The following CYP24A1 variants were observed in gnomAD, a reference collection of about 807,000 sequenced individuals.
CYP24A1 encodes cytochrome P450 family 24 subfamily A member 1.
Under a neutral mutation model 62.4 loss-of-function variants are expected in CYP24A1, and 68 were observed. That is an observed-to-expected ratio of 1.09 (90% CI 0.90 to 1.33). The LOEUF (loss-of-function observed/expected upper bound fraction) is 1.33, where lower values mean the gene tolerates loss of function less well. Ranked by LOEUF, CYP24A1 falls within the 40% of genes most tolerant of loss-of-function variation. The pLI, the probability that CYP24A1 is intolerant of heterozygous loss-of-function variation, is 0.00. For synonymous variants in CYP24A1, 267 were observed against 253.0 expected (o/e 1.06, Z -0.52); for missense variants, 787 against 653.0 (o/e 1.21, Z -2.24).
In CYP24A1 at chr20:54,165,834, C is replaced by T. The variant is rs774967736; in HGVS notation, c.641-1G>A. The T allele has an allele frequency of 2.3e-6, 3 of 1,311,736 alleles. No homozygotes were observed. The South Asian group carries it at 3.5e-5, about 15-fold the overall frequency. 81.3% of individuals were successfully genotyped at this position (1,311,736 alleles called of 1,614,324 possible). ...TTCTCATACAACACGAGGCAGATAC[C>T]TGTCATTTAAAATAATCATCACTTT... On this transcript the variant is annotated splice_acceptor_variant, in intron 4 of 11. Transcript: ENST00000216862. LOFTEE classifies it high-confidence loss of function.
intron 8 of CYP24A1, 94 bp downstream of exon 8, chr20:54,158,863 A>C (rs772046978): frequency 8.7e-6 from 14 of 1,600,394 alleles, no homozygotes; most frequent in Non-Finnish European, 1.2e-5. Context: ...CTAATTAGCT[A>C]GGGGAAGCCG....
At chr20:54,152,639 C>A (rs1383364400), downstream of CYP24A1, among the ~76,000 whole-genome samples, 1 of 152,186 alleles carries the variant, frequency 6.6e-6, no homozygotes, top group African/African-American at 2.4e-5. Flanking sequence ...ATTTAAGGAA[C>A]AGCAGAAACT....
chr20:54,167,119 C>A (rs1695900084), intron 4 of CYP24A1, among the ~76,000 whole-genome samples: 1 of 152,144 alleles, frequency 6.6e-6, no homozygotes. Flanking sequence ...AGGAGACTAG[C>A]ATTAAAAAGG....
Position 54,173,187 on chromosome 20 carries a change from G to C in CYP24A1, c.259-88C>G. On this transcript the variant is annotated intron_variant, in intron 1 of 11. Coordinates refer to ENST00000216862, the MANE Select transcript of CYP24A1 (RefSeq NM_000782.5). This position sits in a 1 kb window ranked among gnomAD's most constrained non-coding sequence, Gnocchi z 7.2. ...CCCTCCTCCCGCCTCCTTCCTCCTAGGGGACCGGGGACCCTCCCTGCCCAG... is the reference window on the plus strand; with the variant it reads ...CCCTCCTCCCGCCTCCTTCCTCCTACGGGACCGGGGACCCTCCCTGCCCAG... 6.5e-7 allele frequency: 1 copy of C among 1,536,102 alleles called. No individual in the cohort carries two copies. Among genetic ancestry groups the C allele is most frequent in the Non-Finnish European group, 8.9e-7 (1 of 1,121,086 alleles).
Position 54,158,136 on chromosome 20 carries a change from G to C in CYP24A1, c.1186C>G (p.Arg396Gly), listed in dbSNP as rs114368325. ...AGAACTGTTGCCTTGTCAAGAGTCC[G>C]AGTTGTAAATGGTACACTCGGCGTA... The part of the protein sequence containing the change: ...RLTPSVPFTT[R>G]TLDKATVLGE... The change falls in exon 9 of 12, where the codon CGG becomes GGG. Residue 396 changes from arginine (R) to glycine (G), a missense_variant. Transcript: ENST00000216862. The C allele has an allele frequency of 1.9e-6, 3 of 1,614,010 alleles. No individual in the cohort carries two copies. The highest frequency in any genetic ancestry group is 4.5e-5 in the East Asian group (2 of 44,882).
chr20:54,153,918 A>G lies in CYP24A1; in HGVS notation c.*854T>C, dbSNP rs903285108. The G allele has an allele frequency of 2.0e-5, 3 of 152,456 alleles. No homozygotes were observed. Among genetic ancestry groups the G allele is most frequent in the Non-Finnish European group, 4.4e-5 (3 of 68,042 alleles). The allele number at this position is 152,456 out of a possible 1,614,324, so 9.4% of individuals were successfully genotyped here. ...ATGGCATGGGAAATCATTTTATAAT[A>G]TTAAAGTCACACTGAATGTTTTTAA... On this transcript the variant is annotated 3_prime_UTR_variant, in exon 12 of 12. Transcript: ENST00000216862.
At chr20:54,167,636 G>A (rs542190763) in intron 4 of CYP24A1, among the ~76,000 whole-genome samples, 2 of 152,262 alleles carry the variant, frequency 1.3e-5, no homozygotes, top group African/African-American at 4.8e-5. Context: ...AGCCAGGCAT[G>A]GTGGTGTGCA....
Position 54,172,895 on chromosome 20 carries a change from C to G in CYP24A1, c.449+14G>C, listed in dbSNP as rs2092698704. ...GGTCTGGCCGCATGCCCAGGTCCCT[C>G]GGATTGGACTCACAGGATCAGCAGC... On this transcript the variant is annotated intron_variant, in intron 2 of 11. Coordinates refer to ENST00000216862, the MANE Select transcript of CYP24A1 (RefSeq NM_000782.5). 1.2e-6 allele frequency: 2 copies of G among 1,613,438 alleles called. No homozygotes were observed. Among genetic ancestry groups the G allele is most frequent in the East Asian group, 4.5e-5 (2 of 44,890 alleles).
At chr20:54,150,420 GC>G (rs11477913), downstream of CYP24A1, among the ~76,000 whole-genome samples, 49,283 of 151,684 alleles carry the variant, frequency 0.32, 8,888 homozygotes, top group East Asian at 0.59. Flanking sequence ...TGTAACCTCC[GC>G]CCCCCAGGTT....
chr20:54,170,206 C>A (rs561288250), intron 3 of CYP24A1, among the ~76,000 whole-genome samples: 6 of 152,320 alleles, frequency 3.9e-5, no homozygotes, highest in Non-Finnish European at 5.9e-5. Flanking sequence ...TAGTCTATGA[C>A]CTTGGGATAG....
intron 4 of CYP24A1, among the ~76,000 whole-genome samples, chr20:54,168,840 C>CT (rs1383545583): frequency 2.7e-4 from 7 of 26,184 alleles, no homozygotes; most frequent in South Asian, 5.3e-3. Flanking sequence ...CCCTCCCTCC[C>CT]TCCCTTCTTC....
At chr20:54,145,929 C>T in the CYP24A1 span, among the ~76,000 whole-genome samples, 1 of 152,178 alleles carries the variant, frequency 6.6e-6, no homozygotes, top group Non-Finnish European at 1.5e-5. Context: ...AATTGATTTA[C>T]AAGTAAATTT....
intron 5 of CYP24A1, 55 bp from the exon 6 acceptor site, chr20:54,164,618 T>C (rs1305487776): frequency 1.9e-6 from 3 of 1,613,300 alleles, no homozygotes; most frequent in Admixed American, 1.7e-5. Flanking sequence ...TCAAAGACAA[T>C]GTTCGTTCTG....
In CYP24A1 at chr20:54,165,734, C is replaced by G; in HGVS notation, c.732+8G>C. The G allele has an allele frequency of 7.6e-7, 1 of 1,323,244 alleles. No individual in the cohort carries two copies. 82.0% of individuals were successfully genotyped at this position (1,323,244 alleles called of 1,614,324 possible). On this transcript the variant is annotated splice_region_variant and intron_variant, in intron 5 of 11. Transcript: ENST00000216862. ...CAAGAAAACTGCTTTCTTAAAGAGG[C>G]TGCTTACTGTTTTGATGGCCATGAT...
At position 54,171,496 on chromosome 20, in the gene CYP24A1, T is replaced by A. The variant is rs111675277; in HGVS notation, c.543+81A>T. On this transcript the variant is annotated intron_variant, in intron 3 of 11. Transcript: ENST00000216862. ...CGAATTGCATTCTTTTTTCCTTTGT[T>A]CTTTGTAGCTGTGACTTGAAGCTCC... The A allele has an allele frequency of 0.022, 35,958 of 1,611,974 alleles. 482 individuals carry two copies. Among genetic ancestry groups the A allele is most frequent in the Middle Eastern group, 0.034 (177 of 5,184 alleles).
chr20:54,159,270 C>G, intron 7 of CYP24A1, 147 bp from the exon 8 acceptor site: 1 of 667,978 alleles, frequency 1.5e-6, no homozygotes, highest in Non-Finnish European at 2.7e-6. Context: ...CGCCTTTAGA[C>G]AAATCCAATA....
chr20:54,173,800 C>G lies in CYP24A1; in HGVS notation c.-221G>C. 1 of 590,490 alleles carries G rather than the reference C, an allele frequency of 1.7e-6. No individual in the cohort carries two copies. The allele number at this position is 590,490 out of a possible 1,614,324, so 36.6% of individuals were successfully genotyped here. On this transcript the variant is annotated 5_prime_UTR_variant, in exon 1 of 12. Coordinates refer to ENST00000216862, the MANE Select transcript of CYP24A1 (RefSeq NM_000782.5). This position sits in a 1 kb window ranked among gnomAD's most constrained non-coding sequence, Gnocchi z 7.2. ...CGACAGCCTCAGAGCATTGGTGCCT[C>G]CTTGCACTGGCCGCAGGGGCTGGAA...
Position 54,159,073 on chromosome 20 carries a change from T to G in CYP24A1, c.1041A>C (p.Gln347His). 4 of 1,614,134 alleles carry G rather than the reference T, an allele frequency of 2.5e-6. No homozygotes were observed. Among genetic ancestry groups the G allele is most frequent in the Non-Finnish European group, 3.4e-6 (4 of 1,179,964 alleles). Residue 347 changes from glutamine (Q) to histidine (H), a missense_variant, in exon 8 of 12, where the codon CAA (glutamine) becomes CAC (histidine). Physicochemically the swap from Gln to His is conservative, Grantham distance 24. Coordinates refer to ENST00000216862, the MANE Select transcript of CYP24A1 (RefSeq NM_000782.5). ...WILYNLSRNP[Q>H]VQQKLLKEIQ... ...TTTCCTTAAGAAGCTTTTGTTGCAC[T>G]TGGGGATTACGGGATAAATTGTAGA...
At chr20:54,160,064 A>G (rs1234104781) in intron 7 of CYP24A1, among the ~76,000 whole-genome samples, 1 of 152,246 alleles carries the variant, frequency 6.6e-6, no homozygotes, top group Non-Finnish European at 1.5e-5. Flanking sequence ...TCTGAAATTT[A>G]AAAGTTCCTT....
Sources: gnomAD v4.1 joint callset for allele counts (sites outside exome capture counted in the v4.1 genomes callset) on GRCh38, gnomAD v4.1.1 for gene constraint, Gnocchi (gnomAD v3.1) non-coding constraint, MANE v1.5 for transcripts, NCBI Gene and HGNC (gene_info 2026-07-23, HGNC 2026-07-21) for gene names.